PTPRD: variants seen among roughly 807,000 people sequenced by gnomAD.
The protein encoded by PTPRD is protein tyrosine phosphatase receptor type D.
PTPRD carries 34 observed loss-of-function variants against 214.5 expected under a neutral mutation model. That is an observed-to-expected ratio of 0.16 (90% CI 0.12 to 0.21). The LOEUF (loss-of-function observed/expected upper bound fraction) is 0.21, where lower values mean the gene tolerates loss of function less well. Ranked by LOEUF, PTPRD falls within the 10% of genes least tolerant of loss-of-function variation. The pLI is 1.00. For missense variants in PTPRD, 2,545 were observed against 2,398.7 expected, an observed-to-expected ratio of 1.06 and a Z score of -1.27; for synonymous variants, 1,128 against 845.7, an observed-to-expected ratio of 1.33 and a Z score of -5.79.
intron 10 of PTPRD, among the ~76,000 whole-genome samples, chr9:9,150,503 T>G (rs2099875832): frequency 1.3e-5 from 2 of 148,746 alleles, no homozygotes; most frequent in South Asian, 4.2e-4. Flanking sequence ...TATATATATT[T>G]TTTTGAGATG....
intron 33 of PTPRD, among the ~76,000 whole-genome samples, chr9:8,459,804 C>T (rs1176908924): frequency 6.6e-6 from 1 of 152,052 alleles, no homozygotes; most frequent in African/African-American, 2.4e-5. Context: ...CCTTGGCATC[C>T]CTTTTTGGAC....
chr9:10,547,727 A>G (rs2060464292), intron 2 of PTPRD, among the ~76,000 whole-genome samples: 1 of 152,040 alleles, frequency 6.6e-6, no homozygotes, highest in Non-Finnish European at 1.5e-5. Flanking sequence ...GTGTACATAT[A>G]GCAACACTTG....
chr9:10,138,105 G>T (rs1015109358), intron 3 of PTPRD, among the ~76,000 whole-genome samples: 8 of 151,894 alleles, frequency 5.3e-5, no homozygotes, highest in African/African-American at 1.9e-4. Context: ...ATTCAAAAGT[G>T]TATTTCAAAA....
chr9:8,919,514 T>G (rs896385254), intron 11 of PTPRD, among the ~76,000 whole-genome samples: 2 of 152,200 alleles, frequency 1.3e-5, no homozygotes, highest in African/African-American at 4.8e-5. Context: ...ATTATAGTTT[T>G]CATTCTAAAA....
chr9:8,591,283 G>T (rs1292744050), intron 14 of PTPRD, among the ~76,000 whole-genome samples: 1 of 152,148 alleles, frequency 6.6e-6, no homozygotes, highest in Non-Finnish European at 1.5e-5. Flanking sequence ...GGAACTAGTC[G>T]TGATTTGGAG....
intron 11 of PTPRD, among the ~76,000 whole-genome samples, chr9:9,004,284 A>G (rs2099443730): frequency 6.6e-6 from 1 of 152,106 alleles, no homozygotes; most frequent in African/African-American, 2.4e-5. Flanking sequence ...GATTTGAAAT[A>G]TCTCCAAGGT....
intron 3 of PTPRD, among the ~76,000 whole-genome samples, chr9:10,209,330 A>G (rs1051569285): frequency 2.6e-5 from 4 of 152,254 alleles, no homozygotes; most frequent in African/African-American, 9.6e-5. Context: ...AATGAAAAAT[A>G]AAATTTAAAT....
At chr9:9,549,407 A>G (rs529126286) in intron 8 of PTPRD, among the ~76,000 whole-genome samples, 5 of 152,214 alleles carry the variant, frequency 3.3e-5, no homozygotes, top group South Asian at 2.1e-4. Context: ...CAAATAGCCA[A>G]TAAACTCATA....
At chr9:9,554,786 T>C (rs1198076928) in intron 8 of PTPRD, among the ~76,000 whole-genome samples, 1 of 152,062 alleles carries the variant, frequency 6.6e-6, no homozygotes, top group African/African-American at 2.4e-5. Context: ...TTAGACTTAA[T>C]GGAATTTGCC....
chr9:9,795,065 G>C (rs968942460), intron 5 of PTPRD, among the ~76,000 whole-genome samples: 1 of 152,222 alleles, frequency 6.6e-6, no homozygotes, highest in Non-Finnish European at 1.5e-5. Flanking sequence ...CCTGGGAGGA[G>C]CCCTTGCGTG....
chr9:8,786,397 G>T (rs1361104281), intron 11 of PTPRD, among the ~76,000 whole-genome samples: 1 of 143,578 alleles, frequency 7.0e-6, no homozygotes, highest in South Asian at 2.2e-4. Flanking sequence ...GAAAAGTTTG[G>T]AGTTCTTTTT....
At chr9:10,562,306 T>C (rs1056052429) in intron 2 of PTPRD, among the ~76,000 whole-genome samples, 1 of 151,486 alleles carries the variant, frequency 6.6e-6, no homozygotes, top group Non-Finnish European at 1.5e-5. Flanking sequence ...GGGTTTCTTA[T>C]AATGTAATGA....
chr9:8,440,635 G>A (rs746904714), intron 34 of PTPRD, among the ~76,000 whole-genome samples: 5 of 152,128 alleles, frequency 3.3e-5, no homozygotes, highest in Admixed American at 6.6e-5. Flanking sequence ...TTAAAGGCAC[G>A]CATCAAATCT....
chr9:9,615,895 T>C (rs1350098747), intron 7 of PTPRD, among the ~76,000 whole-genome samples: 2 of 152,300 alleles, frequency 1.3e-5, no homozygotes, highest in Middle Eastern at 3.4e-3. Context: ...CTCAATAGGA[T>C]GGCTGTGTGT....
At chr9:8,713,273 G>C in intron 12 of PTPRD, 1 of 671,020 alleles carries the variant, frequency 1.5e-6, no homozygotes, top group Non-Finnish European at 2.7e-6. Flanking sequence ...TTTATCCACT[G>C]AGCTTTTGCG....
At chr9:9,469,528 T>G (rs1257136279) in intron 8 of PTPRD, among the ~76,000 whole-genome samples, 2 of 152,154 alleles carry the variant, frequency 1.3e-5, no homozygotes, top group Non-Finnish European at 2.9e-5. Flanking sequence ...GTAACAATAC[T>G]TCCTATTTCA....
At chr9:8,948,019 CTCTT>C (rs1051746132) in intron 11 of PTPRD, among the ~76,000 whole-genome samples, 3 of 92,950 alleles carry the variant, frequency 3.2e-5, no homozygotes, top group African/African-American at 1.2e-4. Flanking sequence ...GGCTCTCTCT[CTCTT>C]TTTTTTTTTT....
chr9:10,504,832 C>T (rs2045355367), intron 2 of PTPRD, among the ~76,000 whole-genome samples: 1 of 152,164 alleles, frequency 6.6e-6, no homozygotes, highest in African/African-American at 2.4e-5. Flanking sequence ...ATGCCTTCTC[C>T]CTGCCAAGAT....
At chr9:9,220,097 C>G (rs1271632954) in intron 9 of PTPRD, among the ~76,000 whole-genome samples, 3 of 152,028 alleles carry the variant, frequency 2.0e-5, no homozygotes, top group African/African-American at 7.2e-5. Flanking sequence ...GGAGAAAATG[C>G]TGTGAACCTT....
Sources: gnomAD v4.1 joint callset for allele counts (sites outside exome capture counted in the v4.1 genomes callset) on GRCh38, gnomAD v4.1.1 for gene constraint, MANE v1.5 for transcripts, NCBI Gene and HGNC (gene_info 2026-07-23, HGNC 2026-07-21) for gene names.